RELCH: variants seen among roughly 807,000 people sequenced by gnomAD.
RELCH encodes the protein RAB11 binding and LisH domain, coiled-coil and HEAT repeat containing.
A neutral mutation model predicts 150.3 loss-of-function variants in RELCH; 41 were observed. The observed-to-expected ratio is 0.27, with a 90% CI of 0.21 to 0.35. The LOEUF is 0.35. Among genes scored for constraint, RELCH ranks in the 10% least tolerant of loss-of-function variants. RELCH has a pLI of 1.00. For synonymous variants in RELCH, 478 were observed against 531.8 expected (o/e 0.90, Z 1.39); for missense variants, 1,092 against 1,467.8 (o/e 0.74, Z 4.18).
At chr18:62,284,687 T>C (rs1299666865) in intron 25 of RELCH, among the ~76,000 whole-genome samples, 1 of 152,180 alleles carries the variant, frequency 6.6e-6, no homozygotes. Flanking sequence ...GTTTGGAGGA[T>C]GGACAGAGAA....
At chr18:62,277,930 A>C in intron 22 of RELCH, 2 of 790,662 alleles carry the variant, frequency 2.5e-6, no homozygotes, top group Non-Finnish European at 3.1e-6. Flanking sequence ...CATGGACTTT[A>C]AGTCAGATGG....
At chr18:62,287,296 G>C (rs2044857605) in intron 25 of RELCH, 55 bp from the exon 26 acceptor site, 2 of 800,312 alleles carry the variant, frequency 2.5e-6, no homozygotes, top group Non-Finnish European at 4.4e-6. Context: ...AAGTGTGTCA[G>C]GGTTTTGTAT....
chr18:62,239,735 TA>T (rs2051047688), intron 10 of RELCH, among the ~76,000 whole-genome samples: 1 of 152,062 alleles, frequency 6.6e-6, no homozygotes, highest in Non-Finnish European at 1.5e-5. Flanking sequence ...TTTTTGCCCC[TA>T]GTCACTAAAG....
intron 1 of RELCH, among the ~76,000 whole-genome samples, chr18:62,194,951 C>G (rs1008865829): frequency 2.6e-5 from 4 of 152,086 alleles, no homozygotes; most frequent in Non-Finnish European, 5.9e-5. Context: ...TGAATTATCT[C>G]CCTAAAACTG....
chr18:62,271,908 T>A (rs530793357), intron 20 of RELCH, among the ~76,000 whole-genome samples: 1 of 152,214 alleles, frequency 6.6e-6, no homozygotes, highest in African/African-American at 2.4e-5. Flanking sequence ...AGATGTGTGG[T>A]GTTATTTCTG....
intron 1 of RELCH, among the ~76,000 whole-genome samples, chr18:62,203,639 T>G (rs1308576945): frequency 6.6e-6 from 1 of 152,246 alleles, no homozygotes; most frequent in Non-Finnish European, 1.5e-5. Flanking sequence ...GATTTAGCAG[T>G]AGCCTTAATC....
chr18:62,294,499 A>G (rs1052178108), intron 27 of RELCH, among the ~76,000 whole-genome samples: 5 of 152,098 alleles, frequency 3.3e-5, no homozygotes, highest in African/African-American at 7.2e-5. Context: ...ATTAAAGTCT[A>G]TTTAGGTTTT....
chr18:62,293,960 A>C (rs921508299), intron 27 of RELCH, among the ~76,000 whole-genome samples: 6 of 152,150 alleles, frequency 3.9e-5, no homozygotes, highest in Admixed American at 6.5e-5. Flanking sequence ...TATCCTGTAT[A>C]TATGGAATCT....
intron 16 of RELCH, 82 bp from the exon 17 acceptor site, chr18:62,263,907 A>C (rs2043406977): frequency 2.0e-6 from 2 of 1,005,472 alleles, no homozygotes; most frequent in South Asian, 3.1e-5. Context: ...AGGAGAAAGG[A>C]CCTTATTTTC....
At chr18:62,265,214 G>T (rs975284863) in intron 18 of RELCH, among the ~76,000 whole-genome samples, 12 of 152,016 alleles carry the variant, frequency 7.9e-5, no homozygotes, top group African/African-American at 2.9e-4. Context: ...GCAGCTGTTT[G>T]CTCAGCACAC....
Position 62,251,518 on chromosome 18 carries a change from C to G in RELCH, c.1734-1146C>G, listed in dbSNP as rs566059726. 2.6e-5 allele frequency among the ~76,000 whole-genome samples: 4 copies of G among 152,270 alleles called. No homozygotes were observed. The East Asian group carries it at 7.7e-4, about 29-fold the overall frequency. On this transcript the variant is annotated intron_variant, in intron 11 of 28. Transcript: ENST00000644646. ...AGTCCAACAAGATGGACATCACAGA[C>G]TTTTGGAACCTAATCTCAAAATTGA...
At chr18:62,222,900 A>AGAAAT (rs1253257906) in intron 5 of RELCH, among the ~76,000 whole-genome samples, 1 of 147,390 alleles carries the variant, frequency 6.8e-6, no homozygotes, top group African/African-American at 2.5e-5. Context: ...GAGTTAAAAA[A>AGAAAT]GAAAAGGGAA....
At chr18:62,284,511 T>G (rs1264290846) in intron 25 of RELCH, 2 of 152,244 alleles carry the variant, frequency 1.3e-5, no homozygotes, top group African/African-American at 4.8e-5. Flanking sequence ...TTAGCCTTTT[T>G]TTCCACCTTT....
rs1568351598 is a variant in RELCH, at chr18:62,231,277, A to AT, written c.1524+9dup. ...AGTCGTTTAGGATACGAGGTAAATTATACCACCTATTTCCACAACTTTTTA... is the reference window on the plus strand; with the variant it reads ...AGTCGTTTAGGATACGAGGTAAATTATTACCACCTATTTCCACAACTTTTTA... On this transcript the variant is annotated intron_variant, in intron 9 of 28. Coordinates refer to ENST00000644646, the MANE Select transcript of RELCH (RefSeq NM_001346231.2). 2 of 1,555,056 alleles carry AT rather than the reference A, an allele frequency of 1.3e-6. No individual in the cohort carries two copies. Among genetic ancestry groups the AT allele is most frequent in the African/African-American group, 2.7e-5 (2 of 73,452 alleles).
intron 27 of RELCH, among the ~76,000 whole-genome samples, chr18:62,292,300 T>C (rs1362648535): frequency 6.6e-6 from 1 of 152,162 alleles, no homozygotes; most frequent in Admixed American, 6.5e-5. Context: ...GACTTTTTTT[T>C]AGTTCTTATA....
chr18:62,286,796 T>C (rs1252611197), intron 25 of RELCH, among the ~76,000 whole-genome samples: 1 of 152,200 alleles, frequency 6.6e-6, no homozygotes, highest in African/African-American at 2.4e-5. Context: ...AATTTTATGT[T>C]ACTCTTTGAG....
intron 1 of RELCH, among the ~76,000 whole-genome samples, chr18:62,209,829 C>T (rs2148301309): frequency 6.6e-6 from 1 of 152,110 alleles, no homozygotes; most frequent in South Asian, 2.1e-4. Context: ...ATACATTTTG[C>T]ATGTTTTTGT....
intron 20 of RELCH, among the ~76,000 whole-genome samples, chr18:62,273,293 C>T (rs1425995175): frequency 1.3e-5 from 2 of 151,644 alleles, no homozygotes; most frequent in East Asian, 3.9e-4. Context: ...AATAATAGTT[C>T]GTTGAAAAAA....
At chr18:62,277,890 A>G (rs1600208435) in intron 22 of RELCH, 1 of 932,436 alleles carries the variant, frequency 1.1e-6, no homozygotes, top group Non-Finnish European at 1.3e-6. Context: ...GAAATTGAAC[A>G]TGTAACATTA....
Sources: allele counts gnomAD v4.1 joint callset (sites outside exome capture counted in the v4.1 genomes callset), GRCh38; gene constraint gnomAD v4.1.1; transcripts MANE v1.5; gene names NCBI Gene and HGNC (gene_info 2026-07-23, HGNC 2026-07-21).